EYA2: variants seen among roughly 807,000 people sequenced by gnomAD.
The protein encoded by EYA2 is EYA transcriptional coactivator and phosphatase 2.
Under a neutral mutation model 69.2 loss-of-function variants are expected in EYA2, and 31 were observed. That is an observed-to-expected ratio of 0.45 (90% CI 0.34 to 0.60). The LOEUF (loss-of-function observed/expected upper bound fraction) is 0.60. EYA2 is among the 20% of genes least tolerant of loss of function. EYA2 has a pLI of 0.02. For missense variants in EYA2, 622 were observed against 701.2 expected (o/e 0.89, Z 1.28); for synonymous variants, 257 against 279.4 (o/e 0.92, Z 0.80).
intron 1 of EYA2, among the ~76,000 whole-genome samples, chr20:46,930,449 C>T (rs1985618213): frequency 6.6e-6 from 1 of 151,994 alleles, no homozygotes; most frequent in Non-Finnish European, 1.5e-5. Flanking sequence ...GTTTTTTTGA[C>T]GTGAGAATCC....
intron 9 of EYA2, among the ~76,000 whole-genome samples, chr20:47,098,197 T>C (rs117877876): frequency 6.6e-6 from 1 of 152,318 alleles, no homozygotes; most frequent in East Asian, 1.9e-4. Flanking sequence ...GCCGTTAATA[T>C]GTCTAGCAGT....
intron 1 of EYA2, among the ~76,000 whole-genome samples, chr20:46,896,944 C>T (rs1405428784): frequency 2.0e-5 from 3 of 151,934 alleles, no homozygotes; most frequent in East Asian, 1.9e-4. Flanking sequence ...AAATCACTTC[C>T]CCAATATCAG....
chr20:46,933,244 G>A (rs1985750490), intron 1 of EYA2, among the ~76,000 whole-genome samples: 1 of 152,200 alleles, frequency 6.6e-6, no homozygotes, highest in African/African-American at 2.4e-5. Flanking sequence ...GCTCCCTGCT[G>A]AGAACGTAGT....
At chr20:47,036,389 T>C (rs951529897) in intron 5 of EYA2, among the ~76,000 whole-genome samples, 3 of 152,180 alleles carry the variant, frequency 2.0e-5, no homozygotes, top group Admixed American at 2.0e-4. Flanking sequence ...CTGCTGTTTG[T>C]TTAGTGACCC....
chr20:47,130,507 C>T (rs1464317761), intron 9 of EYA2, among the ~76,000 whole-genome samples: 1 of 151,788 alleles, frequency 6.6e-6, no homozygotes, highest in African/African-American at 2.4e-5. Flanking sequence ...CCTCGTGATC[C>T]ACCCGCCTCG....
chr20:47,033,752 C>T (rs1056300798), intron 5 of EYA2, among the ~76,000 whole-genome samples: 2 of 152,194 alleles, frequency 1.3e-5, no homozygotes, highest in African/African-American at 4.8e-5. Flanking sequence ...GAAGGCTGCT[C>T]CTTTAACTGG....
rs1290567453 is a variant in EYA2, at chr20:47,020,652, A to G, written c.415+4355A>G. 3.9e-5 allele frequency among the ~76,000 whole-genome samples: 6 copies of G among 152,262 alleles called. 1 individual carries two copies. The South Asian group carries it at 1.2e-3, about 32-fold the overall frequency. On this transcript the variant is annotated intron_variant, in intron 5 of 15. Coordinates refer to ENST00000327619, the MANE Select transcript of EYA2 (RefSeq NM_005244.5). The stretch of plus-strand genomic sequence containing the variant: ...AAGTTTCTGGTGCCACAGAGTTGTT[A>G]AGAGTTCTGGACCTGGCCTGTGGTC...
At chr20:46,992,075 C>A (rs774940619) in intron 2 of EYA2, among the ~76,000 whole-genome samples, 1 of 151,658 alleles carries the variant, frequency 6.6e-6, no homozygotes, top group South Asian at 2.1e-4. Context: ...GTAGATGAAT[C>A]CCCGCCTCTC....
intron 10 of EYA2, among the ~76,000 whole-genome samples, chr20:47,156,608 AAAT>A (rs1164511264): frequency 6.6e-6 from 1 of 151,874 alleles, no homozygotes; most frequent in African/African-American, 2.4e-5. Flanking sequence ...GCCATCAGGA[AAAT>A]AATATGTCAC....
intron 5 of EYA2, among the ~76,000 whole-genome samples, chr20:47,038,764 G>A (rs555558957): frequency 1.3e-5 from 2 of 152,150 alleles, no homozygotes; most frequent in South Asian, 2.1e-4. Context: ...ACTAGTCCCC[G>A]TTCCCCGCAC....
intron 8 of EYA2, among the ~76,000 whole-genome samples, chr20:47,090,808 C>T (rs2032061246): frequency 6.6e-6 from 1 of 152,174 alleles, no homozygotes; most frequent in Admixed American, 6.5e-5. Context: ...TGGCCAGGTA[C>T]TGACATTTTC....
intron 9 of EYA2, among the ~76,000 whole-genome samples, chr20:47,122,078 CAGA>C (rs57536986): frequency 0.025 from 3,774 of 152,200 alleles, 152 homozygotes; most frequent in African/African-American, 0.085. Context: ...TTTGAAAAAT[CAGA>C]AGATCTGGGC....
chr20:47,068,301 A>G (rs1004012944), intron 5 of EYA2, among the ~76,000 whole-genome samples: 1 of 152,266 alleles, frequency 6.6e-6, no homozygotes, highest in African/African-American at 2.4e-5. Context: ...TAATGGCCTC[A>G]GTATCTTTGT....
intron 4 of EYA2, among the ~76,000 whole-genome samples, chr20:47,015,939 C>T (rs534576492): frequency 1.3e-5 from 2 of 152,224 alleles, no homozygotes; most frequent in Admixed American, 6.5e-5. Flanking sequence ...GTAAGTCCAG[C>T]TTTTTGTATG....
chr20:46,920,402 A>G (rs572683155), intron 1 of EYA2, among the ~76,000 whole-genome samples: 2 of 152,204 alleles, frequency 1.3e-5, no homozygotes, highest in East Asian at 1.9e-4. Context: ...TTTTCTTCCT[A>G]TTTTGAGGAC....
In EYA2 at chr20:47,020,274, A is replaced by G. The variant is rs532079546; in HGVS notation, c.415+3977A>G. Among the ~76,000 whole-genome samples the G allele has an allele frequency of 2.2e-4, 33 of 152,366 alleles. No homozygotes were observed. The Middle Eastern group carries it at 0.01, about 47-fold the overall frequency. ...TCACAGAGCAAGCTTTAGACAAGCC[A>G]GGATGCCTCCCACTAGGTCTTCTAG... On this transcript the variant is annotated intron_variant, in intron 5 of 15. Transcript: ENST00000327619.
intron 5 of EYA2, among the ~76,000 whole-genome samples, chr20:47,035,141 A>G (rs950199088): frequency 1.3e-5 from 2 of 152,224 alleles, no homozygotes; most frequent in African/African-American, 4.8e-5. Flanking sequence ...CTGAGCTGCA[A>G]GAGGCTTGGA....
chr20:47,117,716 G>A, intron 9 of EYA2: 1 of 985,024 alleles, frequency 1.0e-6, no homozygotes, highest in Non-Finnish European at 1.2e-6. Flanking sequence ...AGTTGCTAAG[G>A]TTCAAATCAA....
chr20:46,981,415 G>A (rs940930913), intron 1 of EYA2, among the ~76,000 whole-genome samples: 1 of 152,210 alleles, frequency 6.6e-6, no homozygotes, highest in African/African-American at 2.4e-5. Context: ...AAGAACAATT[G>A]TCAGGTTCTC....
Sources: gnomAD v4.1 joint callset for allele counts (sites outside exome capture counted in the v4.1 genomes callset) on GRCh38, gnomAD v4.1.1 for gene constraint, MANE v1.5 for transcripts, NCBI Gene and HGNC (gene_info 2026-07-23, HGNC 2026-07-21) for gene names.